PPARGC1A: variants seen among roughly 807,000 people sequenced by gnomAD.
PPARGC1A encodes peroxisome proliferator-activated receptor gamma coactivator 1-alpha.
A neutral mutation model predicts 88.7 loss-of-function variants in PPARGC1A; 25 were observed. The ratio of observed to expected loss-of-function variants is 0.28; its 90% CI spans 0.21 to 0.39. The LOEUF is 0.39. Among genes scored for constraint, PPARGC1A ranks in the 10% least tolerant of loss-of-function variants. PPARGC1A has a pLI of 1.00. For synonymous variants in PPARGC1A, 363 were observed against 355.6 expected, an observed-to-expected ratio of 1.02 and a Z score of -0.24; for missense variants, 880 against 968.7, an observed-to-expected ratio of 0.91 and a Z score of 1.22.
chr4:24,442,565 C>T, the PPARGC1A span, among the ~76,000 whole-genome samples: 1 of 152,142 alleles, frequency 6.6e-6, no homozygotes, highest in African/African-American at 2.4e-5. Flanking sequence ...ACAATAATGA[C>T]CTTAACTTGG....
At chr4:24,234,015 G>C in the PPARGC1A span, among the ~76,000 whole-genome samples, 1 of 152,220 alleles carries the variant, frequency 6.6e-6, no homozygotes, top group Non-Finnish European at 1.5e-5. Context: ...GTCTGACAGG[G>C]TCGGGAAAAC....
At chr4:24,147,388 T>C in the PPARGC1A span, among the ~76,000 whole-genome samples, 1 of 152,212 alleles carries the variant, frequency 6.6e-6, no homozygotes, top group East Asian at 1.9e-4. Context: ...ATCAGCCCTC[T>C]GGTTACAGGC....
chr4:23,868,644 A>T (rs537038925), intron 2 of PPARGC1A, among the ~76,000 whole-genome samples: 1 of 152,334 alleles, frequency 6.6e-6, no homozygotes, highest in East Asian at 1.9e-4. Flanking sequence ...GGCCTTAACG[A>T]AAGAAAAAGA....
At chr4:24,251,829 A>C in the PPARGC1A span, among the ~76,000 whole-genome samples, 1 of 152,194 alleles carries the variant, frequency 6.6e-6, no homozygotes, top group Non-Finnish European at 1.5e-5. Context: ...TCTCTCTTCC[A>C]AGAGTTCATT....
chr4:24,112,211 A>G, the PPARGC1A span, among the ~76,000 whole-genome samples: 4 of 152,178 alleles, frequency 2.6e-5, no homozygotes, highest in Admixed American at 6.5e-5. Context: ...AGTAGTGCCA[A>G]TGTAAGACAG....
intron 1 of PPARGC1A, among the ~76,000 whole-genome samples, chr4:23,888,133 G>A (rs1391721687): frequency 3.9e-5 from 6 of 152,204 alleles, no homozygotes; most frequent in East Asian, 1.9e-4. Flanking sequence ...TTATACAGGC[G>A]GAGGTGATTC....
chr4:23,999,129 G>T, the PPARGC1A span, among the ~76,000 whole-genome samples: 1 of 152,180 alleles, frequency 6.6e-6, no homozygotes, highest in East Asian at 1.9e-4. Flanking sequence ...CCTAGCAAGT[G>T]CATATCTACG....
At chr4:23,965,712 C>T in the PPARGC1A span, among the ~76,000 whole-genome samples, 3 of 152,124 alleles carry the variant, frequency 2.0e-5, no homozygotes, top group African/African-American at 4.8e-5. Flanking sequence ...CTTCTTTTGG[C>T]CTTGCTATGG....
intron 12 of PPARGC1A, among the ~76,000 whole-genome samples, chr4:23,801,355 C>G (rs1375649524): frequency 4.0e-5 from 6 of 150,982 alleles, no homozygotes; most frequent in Non-Finnish European, 8.8e-5. Flanking sequence ...TCACACAACA[C>G]ACACAGACAC....
chr4:24,187,542 T>C, the PPARGC1A span, among the ~76,000 whole-genome samples: 3 of 152,198 alleles, frequency 2.0e-5, no homozygotes. Context: ...TTAACCTGGC[T>C]TAGGTAAGTT....
chr4:23,940,764 G>T, the PPARGC1A span, among the ~76,000 whole-genome samples: 3 of 152,136 alleles, frequency 2.0e-5, no homozygotes, highest in South Asian at 6.2e-4. Flanking sequence ...CTAGATCCAG[G>T]CCTCACAAAG....
At chr4:24,448,456 T>A in the PPARGC1A span, among the ~76,000 whole-genome samples, 5 of 152,228 alleles carry the variant, frequency 3.3e-5, no homozygotes, top group Admixed American at 3.3e-4. Flanking sequence ...TTTGAAGCTG[T>A]CAGAGTGATC....
the PPARGC1A span, among the ~76,000 whole-genome samples, chr4:24,013,950 AG>A: frequency 3.9e-5 from 6 of 152,340 alleles, no homozygotes; most frequent in South Asian, 1.0e-3. Context: ...AAGTCTGAAC[AG>A]GAAAGAGCAT....
the PPARGC1A span, among the ~76,000 whole-genome samples, chr4:24,209,301 T>C: frequency 6.6e-6 from 1 of 152,192 alleles, no homozygotes. Flanking sequence ...GACTTCTTCT[T>C]TGGGCATCAG....
At chr4:23,995,230 A>C in the PPARGC1A span, among the ~76,000 whole-genome samples, 1 of 152,274 alleles carries the variant, frequency 6.6e-6, no homozygotes, top group East Asian at 1.9e-4. Context: ...ATCACGTGGG[A>C]AAGTCACGCA....
the PPARGC1A span, among the ~76,000 whole-genome samples, chr4:24,272,458 C>G: frequency 6.6e-6 from 1 of 152,124 alleles, no homozygotes; most frequent in African/African-American, 2.4e-5. Context: ...TCATACCCCC[C>G]TGACTTACCT....
chr4:24,369,844 G>A, the PPARGC1A span, among the ~76,000 whole-genome samples: 1 of 152,274 alleles, frequency 6.6e-6, no homozygotes, highest in East Asian at 1.9e-4. Context: ...AGTTAGCAGG[G>A]GCTGGGCAAG....
chr4:24,130,074 A>T, the PPARGC1A span, among the ~76,000 whole-genome samples: 4 of 152,190 alleles, frequency 2.6e-5, no homozygotes, highest in Non-Finnish European at 5.9e-5. Flanking sequence ...GGTGTAACAC[A>T]CCAACATGGC....
chr4:24,105,840 G>A, the PPARGC1A span, among the ~76,000 whole-genome samples: 14 of 152,120 alleles, frequency 9.2e-5, no homozygotes, highest in South Asian at 2.1e-4. Flanking sequence ...GAAGGTTTTC[G>A]GAGAAGAGGC....
Sources: allele counts gnomAD v4.1 joint callset (sites outside exome capture counted in the v4.1 genomes callset), GRCh38; gene constraint gnomAD v4.1.1; transcripts MANE v1.5; gene names NCBI Gene and HGNC (gene_info 2026-07-23, HGNC 2026-07-21).